Variants in COTL1 observed in about 807,000 individuals in gnomAD.
COTL1 encodes the protein coactosin like F-actin binding protein 1, also known as coactosin-like protein.
In COTL1, 15 loss-of-function variants were observed where a neutral mutation model predicts 16.5. The observed-to-expected ratio is 0.91, with a 90% CI of 0.61 to 1.40. COTL1 has a LOEUF of 1.40. Among genes scored for constraint, COTL1 ranks in the 40% most tolerant of loss-of-function variants. The probability of loss-of-function intolerance (pLI) is 0.00; values close to 1 mark genes in which losing one functional copy is unlikely to be tolerated. For missense variants in COTL1, 220 were observed against 201.5 expected, an observed-to-expected ratio of 1.09 and a Z score of -0.56; for synonymous variants, 112 against 85.3, an observed-to-expected ratio of 1.31 and a Z score of -1.73.
chr16:84,611,787 G>A (rs1028249804), intron 2 of COTL1, among the ~76,000 whole-genome samples: 2 of 152,206 alleles, frequency 1.3e-5, no homozygotes, highest in African/African-American at 4.8e-5. Flanking sequence ...ATGCCACAGA[G>A]AATATGTATT....
intron 2 of COTL1, among the ~76,000 whole-genome samples, chr16:84,593,716 G>C (rs966182569): frequency 6.6e-6 from 1 of 152,090 alleles, no homozygotes; most frequent in South Asian, 2.1e-4. Context: ...TTTCACCGTG[G>C]TCTTGATCTC....
intron 3 of COTL1, 148 bp from the exon 4 acceptor site, chr16:84,567,103 A>T: frequency 1.6e-6 from 1 of 616,886 alleles, no homozygotes; most frequent in Non-Finnish European, 2.9e-6. Flanking sequence ...CAGTCAATGG[A>T]AATTCAGCAG....
intron 3 of COTL1, among the ~76,000 whole-genome samples, chr16:84,578,163 G>A (rs1409382991): frequency 6.6e-6 from 1 of 152,048 alleles, no homozygotes; most frequent in Admixed American, 6.6e-5. Flanking sequence ...TTATTGATCA[G>A]TTGACAAGCT....
chr16:84,610,838 C>T (rs886770900), intron 2 of COTL1, among the ~76,000 whole-genome samples: 1 of 149,522 alleles, frequency 6.7e-6, no homozygotes, highest in Non-Finnish European at 1.5e-5. Flanking sequence ...CATCATCCAA[C>T]AAATGTCACA....
Position 84,610,729 on chromosome 16 carries a change from G to GA in COTL1, c.160+6771dup, listed in dbSNP as rs199829928. Among the ~76,000 whole-genome samples, 1,105 of 150,734 alleles carry GA rather than the reference G, an allele frequency of 7.3e-3. 15 individuals carry two copies. Among genetic ancestry groups the GA allele is most frequent in the African/African-American group, 0.026 (1,050 of 41,090 alleles). On this transcript the variant is annotated intron_variant, in intron 2 of 3. Transcript: ENST00000262428. ...CCCCCAAAGGAGGGAATGCTGGACAGAAAAAAAAACATCAATCTCTACATC... is the reference window on the plus strand; with the variant it reads ...CCCCCAAAGGAGGGAATGCTGGACAGAAAAAAAAAACATCAATCTCTACATC...
At chr16:84,570,960 T>A (rs1904326236) in intron 3 of COTL1, among the ~76,000 whole-genome samples, 1 of 152,000 alleles carries the variant, frequency 6.6e-6, no homozygotes, top group East Asian at 1.9e-4. Context: ...CCTGCTTTTT[T>A]TTTTTTTCCT....
At chr16:84,607,603 G>A (rs373724766) in intron 2 of COTL1, among the ~76,000 whole-genome samples, 2 of 152,130 alleles carry the variant, frequency 1.3e-5, no homozygotes, top group East Asian at 1.9e-4. Context: ...GGTCAGCATC[G>A]TGTGTGTTGG....
intron 2 of COTL1, among the ~76,000 whole-genome samples, chr16:84,610,499 A>G (rs1454546479): frequency 6.6e-6 from 1 of 152,172 alleles, no homozygotes; most frequent in Non-Finnish European, 1.5e-5. Context: ...TTAATCCCAG[A>G]GAAAGATAAA....
chr16:84,604,429 C>T lies in COTL1; in HGVS notation c.160+13072G>A, dbSNP rs75593122. Among the ~76,000 whole-genome samples, 924 of 150,322 alleles carry T rather than the reference C, an allele frequency of 6.1e-3. 12 individuals are homozygous for T. Among genetic ancestry groups the T allele is most frequent in the African/African-American group, 0.021 (866 of 40,828 alleles). On this transcript the variant is annotated intron_variant, in intron 2 of 3. Transcript: ENST00000262428. ...CTTTTTCATCCTAAGATATTATTTA[C>T]ACAGCATGAACTGCACCCTGTGAAA...
Position 84,584,033 on chromosome 16 carries a change from C to A in COTL1, c.318+6072G>T, listed in dbSNP as rs139019596. ...CAAGCATGGCTCTAAATCAAGAGAG[C>A]CTGGCCCTGGCACATCGCAGGTCAC... On this transcript the variant is annotated intron_variant, in intron 3 of 3. Coordinates refer to ENST00000262428, the MANE Select transcript of COTL1 (RefSeq NM_021149.5). Among the ~76,000 whole-genome samples, 1,132 of 152,322 alleles carry A rather than the reference C, an allele frequency of 7.4e-3. 18 individuals are homozygous for A. The highest frequency in any genetic ancestry group is 0.026 in the African/African-American group (1,071 of 41,574).
intron 2 of COTL1, among the ~76,000 whole-genome samples, chr16:84,606,788 A>G (rs933995482): frequency 3.3e-5 from 5 of 151,824 alleles, no homozygotes; most frequent in Non-Finnish European, 7.4e-5. Context: ...CCAGGGCTGC[A>G]CCCTCCATGT....
At chr16:84,601,814 G>C (rs953031936) in intron 2 of COTL1, among the ~76,000 whole-genome samples, 14 of 152,120 alleles carry the variant, frequency 9.2e-5, no homozygotes, top group African/African-American at 3.4e-4. Context: ...GGACAAAGAG[G>C]GTTCTTGTTG....
At chr16:84,616,884 G>A (rs1019205108) in intron 2 of COTL1, among the ~76,000 whole-genome samples, 4 of 152,182 alleles carry the variant, frequency 2.6e-5, no homozygotes, top group African/African-American at 7.2e-5. Context: ...CCAGCAGTCC[G>A]GGTGGTGTGC....
At chr16:84,612,779 TA>T (rs1905362604) in intron 2 of COTL1, among the ~76,000 whole-genome samples, 1 of 151,978 alleles carries the variant, frequency 6.6e-6, no homozygotes, top group Non-Finnish European at 1.5e-5. Flanking sequence ...AAAGCAGTGG[TA>T]GGGGTAGCCA....
rs536920364 is a variant in COTL1 at position 84,594,882 on chromosome 16, C to T, written c.161-4620G>A. 8.4e-4 allele frequency: 128 copies of T among 153,072 alleles called. 1 individual carries two copies. The highest frequency in any genetic ancestry group is 1.5e-3 in the Non-Finnish European group (104 of 68,602). 9.5% of individuals were successfully genotyped at this position (153,072 alleles called of 1,614,324 possible). A position where few individuals can be genotyped will look rare whatever the true frequency, so the allele number is the denominator to read the frequency against. On this transcript the variant is annotated intron_variant, in intron 2 of 3. Transcript: ENST00000262428. ...CCCACGGCTCTGGCTGGCTCCTCTG[C>T]GGAGCTCCATGGCTTTTCCAGCGTC...
At chr16:84,602,404 T>C (rs976735782) in intron 2 of COTL1, among the ~76,000 whole-genome samples, 3 of 140,874 alleles carry the variant, frequency 2.1e-5, no homozygotes, top group Non-Finnish European at 4.6e-5. Context: ...ACTTTTTTTC[T>C]TTTAATTAAA....
chr16:84,615,073 C>T (rs143509334), intron 2 of COTL1, among the ~76,000 whole-genome samples: 67 of 152,348 alleles, frequency 4.4e-4, no homozygotes, highest in African/African-American at 1.5e-3. Flanking sequence ...GACTGCTATC[C>T]AGCCAGTGCC....
intron 2 of COTL1, among the ~76,000 whole-genome samples, chr16:84,607,898 CT>C (rs1905245787): frequency 6.6e-6 from 1 of 152,074 alleles, no homozygotes; most frequent in African/African-American, 2.4e-5. Flanking sequence ...TAAGAAACGC[CT>C]AGACTTATCG....
intron 3 of COTL1, among the ~76,000 whole-genome samples, chr16:84,585,612 C>T (rs1904702036): frequency 6.6e-6 from 1 of 152,132 alleles, no homozygotes; most frequent in Non-Finnish European, 1.5e-5. Flanking sequence ...CCGGAATGGG[C>T]CCATCTGGAA....
Sources: allele counts gnomAD v4.1 joint callset (sites outside exome capture counted in the v4.1 genomes callset), GRCh38; gene constraint gnomAD v4.1.1; transcripts MANE v1.5; gene names NCBI Gene and HGNC (gene_info 2026-07-23, HGNC 2026-07-21).